Variants in ARK2C observed in about 807,000 individuals in gnomAD.
ARK2C encodes the protein arkadia (RNF111) C-terminal like ring finger ubiquitin ligase 2C, also known as E3 ubiquitin-protein ligase ARK2C.
the ARK2C span, among the ~76,000 whole-genome samples, chr18:46,427,974 C>G: frequency 1.3e-5 from 2 of 152,182 alleles, no homozygotes; most frequent in Non-Finnish European, 2.9e-5. Flanking sequence ...GGAGCACAAA[C>G]TCTCCAGTGG....
the ARK2C span, among the ~76,000 whole-genome samples, chr18:46,440,697 C>T: frequency 1.3e-5 from 2 of 148,542 alleles, no homozygotes; most frequent in Non-Finnish European, 3.0e-5. Flanking sequence ...ATTAAAATTT[C>T]TGTTATACTT....
the ARK2C span, among the ~76,000 whole-genome samples, chr18:46,440,010 A>C: frequency 1.3e-5 from 2 of 152,218 alleles, no homozygotes; most frequent in East Asian, 3.9e-4. Flanking sequence ...TTGTATTTTT[A>C]GTAGAGACAG....
chr18:46,436,058 G>A, the ARK2C span, among the ~76,000 whole-genome samples: 2 of 152,164 alleles, frequency 1.3e-5, no homozygotes, highest in African/African-American at 4.8e-5. Flanking sequence ...AGGGTCGCTT[G>A]GTTTTGGATC....
chr18:46,437,542 A>T, the ARK2C span, among the ~76,000 whole-genome samples: 2 of 152,112 alleles, frequency 1.3e-5, no homozygotes, highest in African/African-American at 4.8e-5. Context: ...CTGCAAGCCC[A>T]TGTCCAGCCC....
At chr18:46,384,069 G>A in the ARK2C span, among the ~76,000 whole-genome samples, 17 of 152,320 alleles carry the variant, frequency 1.1e-4, no homozygotes, top group Non-Finnish European at 1.5e-4. Context: ...AGAGGCAGTC[G>A]GGGTGAAACT....
At chr18:46,405,750 A>G in the ARK2C span, among the ~76,000 whole-genome samples, 287 of 152,166 alleles carry the variant, frequency 1.9e-3, 1 homozygote, top group Non-Finnish European at 1.3e-4. Context: ...GTTGAATATG[A>G]TGTCTATGTG....
the ARK2C span, among the ~76,000 whole-genome samples, chr18:46,379,580 C>T: frequency 2.0e-5 from 3 of 152,324 alleles, no homozygotes; most frequent in South Asian, 6.2e-4. Context: ...CTTCTCTTCC[C>T]ACCAGCCCCA....
chr18:46,409,363 A>G, the ARK2C span, among the ~76,000 whole-genome samples: 18 of 152,306 alleles, frequency 1.2e-4, no homozygotes, highest in African/African-American at 4.3e-4. Context: ...GGAAGGAATG[A>G]GCTCAAGGGA....
the ARK2C span, among the ~76,000 whole-genome samples, chr18:46,422,704 A>G: frequency 6.6e-6 from 1 of 152,138 alleles, no homozygotes; most frequent in Non-Finnish European, 1.5e-5. Flanking sequence ...GTTGCAGGGA[A>G]TTTGCATCAT....
the ARK2C span, among the ~76,000 whole-genome samples, chr18:46,396,822 G>T: frequency 3.3e-5 from 5 of 152,186 alleles, no homozygotes; most frequent in African/African-American, 1.2e-4. Flanking sequence ...GGGCGTGGTG[G>T]GGCCCTGTCT....
chr18:46,366,443 G>A, the ARK2C span, among the ~76,000 whole-genome samples: 1 of 152,128 alleles, frequency 6.6e-6, no homozygotes, highest in Non-Finnish European at 1.5e-5. Context: ...CCCCTGCAGA[G>A]GACTTCTCAT....
At chr18:46,451,739 A>T in the ARK2C span, among the ~76,000 whole-genome samples, 2 of 152,224 alleles carry the variant, frequency 1.3e-5, no homozygotes, top group Admixed American at 1.3e-4. Flanking sequence ...CAGGAGTTTG[A>T]GGCTGCAGTG....
the ARK2C span, among the ~76,000 whole-genome samples, chr18:46,352,688 T>C: frequency 1.3e-5 from 2 of 152,110 alleles, no homozygotes. Context: ...AGAAAGAGCA[T>C]GACACAGCAC....
At chr18:46,411,158 A>G in the ARK2C span, among the ~76,000 whole-genome samples, 1 of 152,210 alleles carries the variant, frequency 6.6e-6, no homozygotes, top group Admixed American at 6.5e-5. Flanking sequence ...ATGAAGGGAG[A>G]GAGCCAGGGT....
At chr18:46,337,568 G>A in the ARK2C span, 7 of 984,668 alleles carry the variant, frequency 7.1e-6, no homozygotes, top group African/African-American at 3.5e-5. Flanking sequence ...TTTTTGTATC[G>A]TGTGCATGAC....
the ARK2C span, among the ~76,000 whole-genome samples, chr18:46,367,700 G>T: frequency 2.4e-3 from 372 of 152,238 alleles, no homozygotes; most frequent in African/African-American, 8.8e-3. Flanking sequence ...AACTGGCCTC[G>T]GTGTCCCCAC....
At chr18:46,407,254 T>C in the ARK2C span, among the ~76,000 whole-genome samples, 1 of 152,178 alleles carries the variant, frequency 6.6e-6, no homozygotes, top group Non-Finnish European at 1.5e-5. Context: ...CAGCTCCAGC[T>C]TGAGAGTCCA....
the ARK2C span, among the ~76,000 whole-genome samples, chr18:46,438,297 G>A: frequency 6.6e-6 from 1 of 152,182 alleles, no homozygotes; most frequent in Non-Finnish European, 1.5e-5. Context: ...TTCTCTTTGA[G>A]TCAGGTCCTG....
At chr18:46,429,559 A>G in the ARK2C span, among the ~76,000 whole-genome samples, 2 of 152,098 alleles carry the variant, frequency 1.3e-5, no homozygotes, top group Non-Finnish European at 2.9e-5. Context: ...TATTTGTTTT[A>G]TTGTTAATAT....
Sources: allele counts gnomAD v4.1 joint callset (sites outside exome capture counted in the v4.1 genomes callset), GRCh38; gene constraint gnomAD v4.1.1; transcripts MANE v1.5; gene names NCBI Gene and HGNC (gene_info 2026-07-23, HGNC 2026-07-21).